CDH23: variants seen among roughly 807,000 people sequenced by gnomAD.
CDH23 encodes cadherin-23.
A neutral mutation model predicts 317.1 loss-of-function variants in CDH23; 189 were observed. That is an observed-to-expected ratio of 0.60 (90% CI 0.53 to 0.67). CDH23 has a LOEUF of 0.67. Among genes scored for constraint, CDH23 ranks in the 30% least tolerant of loss-of-function variants. The pLI, the probability that CDH23 is intolerant of heterozygous loss-of-function variation, is 0.00. For missense variants in CDH23, 4,401 were observed against 4,592.4 expected, an observed-to-expected ratio of 0.96 and a Z score of 1.20; for synonymous variants, 1,839 against 1,876.8, an observed-to-expected ratio of 0.98 and a Z score of 0.52.
rs528880720 is a variant in CDH23 at position 71,566,929 on chromosome 10, A to G, written c.617A>G (p.Asn206Ser). ...ETTQAYQLTV[N>S]ATDQDKTRPL... ...ACACAGGCCTACCAGCTCACGGTCA[A>G]CGCCACAGTGAGTCTCCATGCTGGG... The change falls in exon 7 of 70, where the codon AAC (asparagine) becomes AGC (serine). Residue 206 changes from asparagine to serine, a missense_variant. Around this residue, in one of 3 missense-constraint regions of CDH23, gnomAD observed 3,068 missense variants for 3,203.3 expected, o/e 0.96. Transcript: ENST00000224721. 3 of 1,612,238 alleles carry G rather than the reference A, an allele frequency of 1.9e-6. No individual in the cohort carries two copies. In the East Asian group the frequency reaches 6.7e-5, roughly 36 times the overall value.
chr10:71,537,851 C>T (rs1855785187), intron 6 of CDH23, among the ~76,000 whole-genome samples: 1 of 152,210 alleles, frequency 6.6e-6, no homozygotes, highest in Non-Finnish European at 1.5e-5. Context: ...TTATTATCAT[C>T]TTATTTCACA....
chr10:71,527,801 TGAA>T (rs1855125098), intron 6 of CDH23, among the ~76,000 whole-genome samples: 1 of 152,178 alleles, frequency 6.6e-6, no homozygotes, highest in African/African-American at 2.4e-5. Context: ...GCAATGCACA[TGAA>T]GCACTTAGGA....
chr10:71,635,237 G>C (rs1479399307), intron 11 of CDH23: 1 of 152,682 alleles, frequency 6.5e-6, no homozygotes, highest in East Asian at 1.9e-4. Flanking sequence ...TCTTTTCTCA[G>C]GAGAACGGAG....
chr10:71,534,977 T>TC (rs973659679), intron 6 of CDH23, among the ~76,000 whole-genome samples: 2 of 151,992 alleles, frequency 1.3e-5, no homozygotes, highest in African/African-American at 4.8e-5. Context: ...GCCCCTGTCT[T>TC]CCCCTCCCTG....
At chr10:71,730,182 G>A (rs565041329) in intron 30 of CDH23, among the ~76,000 whole-genome samples, 4 of 152,132 alleles carry the variant, frequency 2.6e-5, no homozygotes, top group Non-Finnish European at 5.9e-5. Flanking sequence ...GAAACTGGGG[G>A]CCCCAAAGAG....
Position 71,725,392 on chromosome 10 carries a change from C to T in CDH23, c.3451C>T (p.Arg1151Trp), listed in dbSNP as rs757628798. The T allele has an allele frequency of 2.1e-5, 34 of 1,613,886 alleles. No individual in the cohort carries two copies. The highest frequency in any genetic ancestry group is 4.0e-5 in the African/African-American group (3 of 74,910). ...ILHGNHGNNFRIHVSNGLLMR... is the reference protein window; with the variant it reads ...ILHGNHGNNFWIHVSNGLLMR... ...CACAGGTAACCATGGCAACAACTTC[C>T]GGATCCATGTCAGCAATGGGCTCCT... The change falls in exon 30 of 70, where the codon CGG becomes TGG. Residue 1151 changes from arginine to tryptophan, a missense_variant. By Grantham distance (101) the Arg-to-Trp change is moderately radical. Transcript: ENST00000224721.
chr10:71,461,697 G>A (rs1021018565), intron 3 of CDH23, among the ~76,000 whole-genome samples: 6 of 152,172 alleles, frequency 3.9e-5, no homozygotes, highest in South Asian at 2.1e-4. Flanking sequence ...GCCCTGTGCC[G>A]TGTTCCCACA....
At chr10:71,666,468 G>T (rs1282967724) in intron 14 of CDH23, among the ~76,000 whole-genome samples, 3 of 152,192 alleles carry the variant, frequency 2.0e-5, no homozygotes, top group Non-Finnish European at 4.4e-5. Context: ...AAGGCACTCA[G>T]AGAGCAGCTT....
At chr10:71,436,249 G>A (rs1483690312) in intron 1 of CDH23, among the ~76,000 whole-genome samples, 3 of 152,260 alleles carry the variant, frequency 2.0e-5, no homozygotes, top group Non-Finnish European at 2.9e-5. Flanking sequence ...TGGGCACTGA[G>A]GCAGTCTGAT....
intron 1 of CDH23, among the ~76,000 whole-genome samples, chr10:71,413,594 C>G (rs1456969333): frequency 6.6e-6 from 1 of 152,146 alleles, no homozygotes; most frequent in Non-Finnish European, 1.5e-5. Context: ...AACAATAGTA[C>G]TATCTTAACA....
At chr10:71,760,006 TATATACACACACACATATATAC>T (rs1840288546) in intron 38 of CDH23, among the ~76,000 whole-genome samples, 1 of 85,708 alleles carries the variant, frequency 1.2e-5, no homozygotes, top group African/African-American at 3.7e-5. Flanking sequence ...CACATACATA[TATATACACACACACATATATAC>T]ACACACACAC....
intron 38 of CDH23, among the ~76,000 whole-genome samples, chr10:71,759,718 A>G (rs1392361349): frequency 1.3e-5 from 2 of 151,666 alleles, no homozygotes; most frequent in Admixed American, 1.3e-4. Context: ...AGGCTGAGGC[A>G]GAAGAATCGC....
At chr10:71,408,563 C>G (rs1848215171) in intron 1 of CDH23, among the ~76,000 whole-genome samples, 1 of 152,164 alleles carries the variant, frequency 6.6e-6, no homozygotes, top group Non-Finnish European at 1.5e-5. Flanking sequence ...GGGGCTGGGA[C>G]AGGCATGGGG....
chr10:71,433,263 G>A (rs1217164502), intron 1 of CDH23, among the ~76,000 whole-genome samples: 7 of 152,144 alleles, frequency 4.6e-5, no homozygotes, highest in Non-Finnish European at 7.3e-5. Context: ...TCCCACAGTT[G>A]AGCCAGTCCC....
intron 22 of CDH23, among the ~76,000 whole-genome samples, chr10:71,701,587 C>A (rs893569788): frequency 6.6e-6 from 1 of 152,098 alleles, no homozygotes; most frequent in African/African-American, 2.4e-5. Context: ...TCCACCCTCT[C>A]CTTCCTTAAC....
chr10:71,618,361 G>A (rs1049115503), intron 11 of CDH23, among the ~76,000 whole-genome samples: 9 of 152,066 alleles, frequency 5.9e-5, no homozygotes, highest in East Asian at 1.9e-4. Flanking sequence ...AGGGGCGGGC[G>A]TAGGGGGGCA....
intron 2 of CDH23, among the ~76,000 whole-genome samples, chr10:71,440,577 C>G (rs2095987): frequency 0.45 from 68,729 of 152,090 alleles, 18,135 homozygotes; most frequent in African/African-American, 0.74. Flanking sequence ...CTGAGCAAAG[C>G]TATGGCAGCC....
intron 3 of CDH23, among the ~76,000 whole-genome samples, chr10:71,492,223 G>T (rs916774174): frequency 6.6e-6 from 1 of 152,168 alleles, no homozygotes; most frequent in South Asian, 2.1e-4. Context: ...GCTCTCTGCA[G>T]CCTACCCTCA....
At chr10:71,447,067 C>T (rs1850205639) in intron 3 of CDH23, among the ~76,000 whole-genome samples, 1 of 152,340 alleles carries the variant, frequency 6.6e-6, no homozygotes, top group East Asian at 1.9e-4. Context: ...CGACAGCCCT[C>T]CTGTGTCATG....
Sources: gnomAD v4.1 joint callset for allele counts (sites outside exome capture counted in the v4.1 genomes callset) on GRCh38, gnomAD v4.1.1 for gene constraint, gnomAD v4.1.1 regional missense constraint, MANE v1.5 for transcripts, NCBI Gene and HGNC (gene_info 2026-07-23, HGNC 2026-07-21) for gene names.